The following KLHL29 variants were observed in gnomAD, a reference collection of about 807,000 sequenced individuals.
KLHL29 encodes the protein kelch-like protein 29.
A neutral mutation model predicts 80.4 loss-of-function variants in KLHL29; 21 were observed. The ratio of observed to expected loss-of-function variants is 0.26; its 90% CI spans 0.19 to 0.38. KLHL29 has a LOEUF of 0.38. Among genes scored for constraint, KLHL29 ranks in the 10% least tolerant of loss-of-function variants. The pLI, the probability that KLHL29 is intolerant of heterozygous loss-of-function variation, is 1.00. For synonymous variants in KLHL29, 511 were observed against 526.8 expected (o/e 0.97, Z 0.41); for missense variants, 867 against 1,223.9 (o/e 0.71, Z 4.35).
chr2:23,411,855 T>G (rs1412417581), intron 1 of KLHL29, among the ~76,000 whole-genome samples: 1 of 152,120 alleles, frequency 6.6e-6, no homozygotes, highest in African/African-American at 2.4e-5. Context: ...ATGGGCCCAG[T>G]CTAATAACTA....
intron 11 of KLHL29, among the ~76,000 whole-genome samples, chr2:23,701,363 G>A (rs909926160): frequency 1.3e-5 from 2 of 152,254 alleles, no homozygotes; most frequent in African/African-American, 2.4e-5. Flanking sequence ...ACTCCATCCT[G>A]CAGACACAGT....
intron 1 of KLHL29, among the ~76,000 whole-genome samples, chr2:23,445,062 A>G (rs184512951): frequency 2.6e-5 from 4 of 152,314 alleles, no homozygotes; most frequent in Admixed American, 2.6e-4. Flanking sequence ...GTGTTATAAG[A>G]CAATGTTGAA....
intron 3 of KLHL29, among the ~76,000 whole-genome samples, chr2:23,600,668 C>G (rs925880735): frequency 7.2e-5 from 11 of 152,116 alleles, no homozygotes; most frequent in African/African-American, 2.7e-4. Flanking sequence ...CTTGTGGGAC[C>G]CTTCTTAAGT....
chr2:23,545,700 G>A (rs113810923), intron 2 of KLHL29, among the ~76,000 whole-genome samples: 4,212 of 152,310 alleles, frequency 0.028, 69 homozygotes, highest in African/African-American at 0.042. Flanking sequence ...CACTGCTCCT[G>A]GGGACGAGTC....
intron 5 of KLHL29, among the ~76,000 whole-genome samples, chr2:23,662,298 T>C (rs889866): frequency 0.82 from 124,096 of 152,208 alleles, 52,969 homozygotes; most frequent in East Asian, 0.99. Context: ...TTAACCCTAC[T>C]GTCTTACTAT....
chr2:23,421,373 T>TAC (rs1662795429), intron 1 of KLHL29, among the ~76,000 whole-genome samples: 1 of 152,188 alleles, frequency 6.6e-6, no homozygotes, highest in Non-Finnish European at 1.5e-5. Flanking sequence ...AGGGCCTCCC[T>TAC]ACAGAGCACA....
At chr2:23,424,316 G>GTGCATGTTTCCTGTGAGAGAA (rs1258481973) in intron 1 of KLHL29, among the ~76,000 whole-genome samples, 11 of 152,228 alleles carry the variant, frequency 7.2e-5, no homozygotes, top group African/African-American at 2.7e-4. Context: ...GCATTTGCGT[G>GTGCATGTTTCCTGTGAGAGAA]TGCATGTTTC....
At chr2:23,539,089 G>A (rs1290551757) in intron 2 of KLHL29, among the ~76,000 whole-genome samples, 2 of 152,200 alleles carry the variant, frequency 1.3e-5, no homozygotes, top group Non-Finnish European at 2.9e-5. Flanking sequence ...CAGAGGTGAA[G>A]CAACTGCCAA....
intron 2 of KLHL29, among the ~76,000 whole-genome samples, chr2:23,536,810 C>G (rs1405891096): frequency 6.6e-6 from 1 of 151,824 alleles, no homozygotes; most frequent in Non-Finnish European, 1.5e-5. Flanking sequence ...GGTACCATGC[C>G]TATAGTAAAG....
chr2:23,572,935 G>A (rs181810787), intron 3 of KLHL29, among the ~76,000 whole-genome samples: 109 of 152,282 alleles, frequency 7.2e-4, no homozygotes, highest in African/African-American at 2.4e-3. Context: ...TGATCCGCCC[G>A]CCTCGGCCTC....
rs1197222374 is a variant in KLHL29, at chr2:23,706,803, T to C, written c.*139T>C. 1 of 597,342 alleles carries C rather than the reference T, an allele frequency of 1.7e-6. No individual in the cohort carries two copies. The allele number at this position is 597,342 out of a possible 1,614,324, so 37.0% of individuals were successfully genotyped here. ...TCACTGCGCTCAACATGTTGAATAT[T>C]CTCTACATTGAATGTAGAAAATCAT... is the stretch of plus-strand genomic sequence containing the variant. On this transcript the variant is annotated 3_prime_UTR_variant, in exon 14 of 14. Transcript: ENST00000486442.
chr2:23,549,821 G>A (rs1667076716), intron 2 of KLHL29, among the ~76,000 whole-genome samples: 2 of 152,266 alleles, frequency 1.3e-5, no homozygotes, highest in South Asian at 4.1e-4. Flanking sequence ...GCCAGCAGGG[G>A]CTCTGGGGGT....
chr2:23,387,800 T>A (rs1480129431), intron 1 of KLHL29, among the ~76,000 whole-genome samples: 2 of 152,224 alleles, frequency 1.3e-5, no homozygotes, highest in Non-Finnish European at 2.9e-5. Flanking sequence ...CACCCTGCTA[T>A]AAATCAGGGA....
At chr2:23,672,596 C>T (rs986982567) in intron 5 of KLHL29, 6 of 152,836 alleles carry the variant, frequency 3.9e-5, no homozygotes, top group African/African-American at 1.2e-4. Flanking sequence ...TCTAGCACCA[C>T]AGCTGACCAT....
Position 23,562,527 on chromosome 2 carries a change from C to T in KLHL29, c.285+46C>T. 6.6e-7 allele frequency: 1 copy of T among 1,523,778 alleles called. No individual in the cohort carries two copies. Among genetic ancestry groups the T allele is most frequent in the Non-Finnish European group, 8.8e-7 (1 of 1,139,770 alleles). The allele number at this position is 1,523,778 out of a possible 1,614,324, so 94.4% of individuals were successfully genotyped here. A position where few individuals can be genotyped will look rare whatever the true frequency, so the allele number is the denominator to read the frequency against. On this transcript the variant is annotated intron_variant, in intron 3 of 13. Coordinates refer to ENST00000486442, the MANE Select transcript of KLHL29 (RefSeq NM_052920.2). This position sits in a 1 kb window ranked among gnomAD's most constrained non-coding sequence, Gnocchi z 4.5. ...TGAGCAGGAGCCGGACAGAGGGGCC[C>T]TGCCTCCCTGCAGGCTCAGGCCAGC...
chr2:23,517,846 C>T (rs2103467193), intron 2 of KLHL29, among the ~76,000 whole-genome samples: 2 of 152,314 alleles, frequency 1.3e-5, no homozygotes, highest in Middle Eastern at 6.8e-3. Context: ...GTCTTCTTGC[C>T]TCTAAGATAC....
chr2:23,552,365 A>G (rs760804698), intron 2 of KLHL29, among the ~76,000 whole-genome samples: 8 of 152,226 alleles, frequency 5.3e-5, no homozygotes, highest in Non-Finnish European at 1.0e-4. Context: ...AGTTGTACAC[A>G]TTAAATATCT....
intron 1 of KLHL29, among the ~76,000 whole-genome samples, chr2:23,389,188 G>A (rs1182802094): frequency 6.6e-6 from 1 of 151,986 alleles, no homozygotes; most frequent in Non-Finnish European, 1.5e-5. Context: ...TTTAGTCACA[G>A]CATATAGTGC....
Position 23,654,644 on chromosome 2 carries a change from C to T in KLHL29, c.940+11794C>T, listed in dbSNP as rs1047330094. 8.1e-5 allele frequency among the ~76,000 whole-genome samples: 8 copies of T among 98,846 alleles called. No individual in the cohort carries two copies. In the South Asian group the frequency reaches 1.6e-3, roughly 19 times the overall value. The allele number at this position is 98,846 out of a possible 152,430, so 64.8% of individuals were successfully genotyped here. A position where few individuals can be genotyped will look rare whatever the true frequency, so the allele number is the denominator to read the frequency against. On this transcript the variant is annotated intron_variant, in intron 5 of 13. Coordinates refer to ENST00000486442, the MANE Select transcript of KLHL29 (RefSeq NM_052920.2). ...GTCGGGAGTGCCATTCCAGGGAAGC[C>T]GGTGGGCAGGGCTGGGAGATGCAGC...
Sources: gnomAD v4.1 joint callset for allele counts (sites outside exome capture counted in the v4.1 genomes callset) on GRCh38, gnomAD v4.1.1 for gene constraint, Gnocchi (gnomAD v3.1) non-coding constraint, MANE v1.5 for transcripts, NCBI Gene and HGNC (gene_info 2026-07-23, HGNC 2026-07-21) for gene names.